Variants in ABCC8 observed in about 807,000 individuals in gnomAD.
ABCC8 encodes ATP-binding cassette sub-family C member 8.
Under a neutral mutation model 188.0 loss-of-function variants are expected in ABCC8, and 137 were observed. The observed-to-expected ratio is 0.73, with a 90% confidence interval of 0.63 to 0.84. ABCC8 has a LOEUF of 0.84. ABCC8 is among the 40% of genes least tolerant of loss of function. ABCC8 has a pLI of 0.00. For synonymous variants in ABCC8, 797 were observed against 846.5 expected (o/e 0.94, Z 1.01); for missense variants, 1,750 against 2,072.7 (o/e 0.84, Z 3.02).
chr11:17,425,754 T>A (rs1436064762), intron 16 of ABCC8, among the ~76,000 whole-genome samples: 6 of 152,188 alleles, frequency 3.9e-5, no homozygotes, highest in Admixed American at 3.9e-4. Flanking sequence ...GTTACATAGG[T>A]ATACACATGC....
At chr11:17,413,711 A>G (rs541609679) in intron 19 of ABCC8, among the ~76,000 whole-genome samples, 1 of 152,338 alleles carries the variant, frequency 6.6e-6, no homozygotes, top group Non-Finnish European at 1.5e-5. Flanking sequence ...GGTTGGGAAC[A>G]AATATGCAGA....
At position 17,435,893 on chromosome 11, in the gene ABCC8, C is replaced by G. The variant is rs114746662; in HGVS notation, c.1631-3649G>C. On this transcript the variant is annotated intron_variant, in intron 10 of 38. Transcript: ENST00000389817. ...GACTTCACGCATTCCAAATAAGACT[C>G]AAAGTTCCCAGGGAGTAACAGGGCC... 10,156 of 1,340,842 alleles carry G rather than the reference C, an allele frequency of 7.6e-3. 336 individuals are homozygous for G. The African/African-American group carries it at 0.093, about 12-fold the overall frequency. 83.1% of individuals were successfully genotyped at this position (1,340,842 alleles called of 1,614,324 possible). A position where few individuals can be genotyped will look rare whatever the true frequency, so the allele number is the denominator to read the frequency against.
intron 29 of ABCC8, among the ~76,000 whole-genome samples, chr11:17,399,464 CT>C (rs1484526167): frequency 6.6e-6 from 1 of 152,096 alleles, no homozygotes; most frequent in Non-Finnish European, 1.5e-5. Flanking sequence ...ACCCCAGGGC[CT>C]TTGCACACAC....
chr11:17,469,975 T>C, intron 3 of ABCC8, 126 bp downstream of exon 3: 1 of 1,252,228 alleles, frequency 8.0e-7, no homozygotes, highest in Non-Finnish European at 1.1e-6. Context: ...AAGGCAGGGA[T>C]TTTTTTCTTT....
At chr11:17,421,562 G>A (rs149259610) in intron 16 of ABCC8, among the ~76,000 whole-genome samples, 13 of 152,186 alleles carry the variant, frequency 8.5e-5, no homozygotes, top group African/African-American at 3.1e-4. Context: ...TTTCCCAGGA[G>A]ACAGACTGGA....
intron 23 of ABCC8, 153 bp downstream of exon 23, chr11:17,408,239 C>T (rs943931701): frequency 1.4e-6 from 1 of 722,500 alleles, no homozygotes; most frequent in African/African-American, 1.8e-5. Flanking sequence ...TACTGTCTCT[C>T]CTCTGGTAGG....
At chr11:17,416,695 A>T (rs184378037) in intron 17 of ABCC8, among the ~76,000 whole-genome samples, 1 of 152,266 alleles carries the variant, frequency 6.6e-6, no homozygotes, top group African/African-American at 2.4e-5. Flanking sequence ...ATATACTGGC[A>T]TCTGTTTGGT....
At chr11:17,407,287 ACCTTAG>A in intron 24 of ABCC8, 61 bp downstream of exon 24, 2 of 1,612,586 alleles carry the variant, frequency 1.2e-6, no homozygotes, top group South Asian at 2.2e-5. Context: ...AGAACCCCAA[ACCTTAG>A]CCTCTCTGTG....
At chr11:17,458,468 G>A (rs1428442912) in intron 6 of ABCC8, among the ~76,000 whole-genome samples, 1 of 152,270 alleles carries the variant, frequency 6.6e-6, no homozygotes, top group African/African-American at 2.4e-5. Flanking sequence ...GGGAAACACA[G>A]GAAGAAGAGC....
At chr11:17,413,514 G>A (rs1276262346) in intron 19 of ABCC8, 36 bp from the exon 20 acceptor site, 1 of 1,612,806 alleles carries the variant, frequency 6.2e-7, no homozygotes, top group East Asian at 2.2e-5. Flanking sequence ...CAGCTGGTCA[G>A]CCTGGTCAGA....
In ABCC8 at chr11:17,476,807, C is replaced by T; in HGVS notation, c.-31G>A. On this transcript the variant is annotated 5_prime_UTR_variant, in exon 1 of 39. Transcript: ENST00000389817. ...CGCGGGCGCGGGCTGGGCTCGGGCT[C>T]AGCTGGCTCCGCTGGCTCCGCGCGC... is the stretch of plus-strand genomic sequence containing the variant. 1 of 1,503,556 alleles carries T rather than the reference C, an allele frequency of 6.7e-7. No homozygotes were observed. The highest frequency in any genetic ancestry group is 8.9e-7 in the Non-Finnish European group (1 of 1,126,978). The allele number at this position is 1,503,556 out of a possible 1,614,324, so 93.1% of individuals were successfully genotyped here. A position where few individuals can be genotyped will look rare whatever the true frequency, so the allele number is the denominator to read the frequency against.
intron 7 of ABCC8, among the ~76,000 whole-genome samples, chr11:17,450,356 TCCTTCCTTTC>T (rs1956753382): frequency 7.8e-6 from 1 of 127,866 alleles, no homozygotes; most frequent in Admixed American, 8.8e-5. Flanking sequence ...TTTCTTTCTT[TCCTTCCTTTC>T]CTTTCCTTTC....
rs758601617 is a variant in ABCC8, at chr11:17,427,084, C to A, written c.2187G>T (p.Glu729Asp). The A allele has an allele frequency of 6.2e-7, 1 of 1,614,050 alleles. No individual in the cohort carries two copies. The highest frequency in any genetic ancestry group is 2.2e-5 in the East Asian group (1 of 44,866). The change falls in exon 16 of 39, where the codon GAG (glutamate) becomes GAT (aspartate). Residue 729 changes from glutamate (E) to aspartate (D), a missense_variant. Transcript: ENST00000389817. The surrounding 1 kb of genome is among the most constrained non-coding windows in gnomAD (Gnocchi z 5.0). ...AGACAGCCCCTGAGACCTTCTGCAT[C>A]TCCCCCAGTGCGGCTAGAAGGAGCG... ...KSSLLLAALG[E>D]MQKVSGAVFW...
chr11:17,407,136 G>T lies in ABCC8; in HGVS notation c.2921-7C>A. 2 of 1,609,612 alleles carry T rather than the reference G, an allele frequency of 1.2e-6. No individual in the cohort carries two copies. Among genetic ancestry groups the T allele is most frequent in the African/African-American group, 2.7e-5 (2 of 74,952 alleles). On this transcript the variant is annotated splice_region_variant and splice_polypyrimidine_tract_variant and intron_variant, in intron 24 of 38. Transcript: ENST00000389817. ...TCGCTCTCAGCTGCCTCCTCTGCAG[G>T]CCGCAAGAACCCACTCTGTGGCTAC...
At position 17,475,005 on chromosome 11, in the gene ABCC8, C is replaced by T; in HGVS notation, c.171G>A (p.Lys57=). The T allele has an allele frequency of 6.2e-7, 1 of 1,614,142 alleles. No homozygotes were observed. Among genetic ancestry groups the T allele is most frequent in the Non-Finnish European group, 8.5e-7 (1 of 1,180,012 alleles). The change falls in exon 2 of 39, where the codon AAG becomes AAA. Residue 57 remains lysine (K), a synonymous_variant. Coordinates refer to ENST00000389817, the MANE Select transcript of ABCC8 (RefSeq NM_000352.6). ...LFIGWGSQSS[K]VHIHHSTWLH... ...GCCATGTGCTGTGGTGGATGTGCAC[C>T]TTGGAGCTCTGACTTCCCCATCCTG...
intron 17 of ABCC8, 64 bp from the exon 18 acceptor site, chr11:17,415,403 T>C: frequency 6.3e-7 from 1 of 1,579,626 alleles, no homozygotes; most frequent in African/African-American, 1.3e-5. Flanking sequence ...TCCAGGAAGA[T>C]CCTGAGCTCC....
chr11:17,435,442 A>G (rs1475636388), intron 10 of ABCC8, among the ~76,000 whole-genome samples: 1 of 152,206 alleles, frequency 6.6e-6, no homozygotes, highest in South Asian at 2.1e-4. Flanking sequence ...AGCTGTAGGC[A>G]AAAAAGGGGA....
chr11:17,417,757 C>G (rs541414271), intron 16 of ABCC8, among the ~76,000 whole-genome samples: 1 of 152,308 alleles, frequency 6.6e-6, no homozygotes, highest in East Asian at 1.9e-4. Context: ...TTCTCTCTCT[C>G]TCTCTCTCTC....
chr11:17,416,453 T>C (rs1203672330), intron 17 of ABCC8, among the ~76,000 whole-genome samples: 1 of 152,164 alleles, frequency 6.6e-6, no homozygotes, highest in Non-Finnish European at 1.5e-5. Context: ...TATACTTTTT[T>C]CTGTCTTTCC....
Sources: allele counts gnomAD v4.1 joint callset (sites outside exome capture counted in the v4.1 genomes callset), GRCh38; gene constraint gnomAD v4.1.1; non-coding constraint Gnocchi (gnomAD v3.1); transcripts MANE v1.5; gene names NCBI Gene and HGNC (gene_info 2026-07-23, HGNC 2026-07-21).